USO1: variants seen among roughly 807,000 people sequenced by gnomAD.
The protein encoded by USO1 is USO1 vesicle transport factor.
USO1 carries 57 observed loss-of-function variants against 124.5 expected under a neutral mutation model. The ratio of observed to expected loss-of-function variants is 0.46; its 90% CI spans 0.37 to 0.57. USO1 has a LOEUF of 0.57. Ranked by LOEUF, USO1 falls within the 20% of genes least tolerant of loss-of-function variation. The pLI, the probability that USO1 is intolerant of heterozygous loss-of-function variation, is 0.00. For synonymous variants in USO1, 369 were observed against 362.8 expected (o/e 1.02, Z -0.19); for missense variants, 900 against 1,040.6 (o/e 0.86, Z 1.86).
chr4:75,756,732 C>T (rs899283345), intron 3 of USO1, among the ~76,000 whole-genome samples: 2 of 151,758 alleles, frequency 1.3e-5, no homozygotes, highest in Non-Finnish European at 2.9e-5. Flanking sequence ...AGGCTGGTCT[C>T]GAACTCCCAA....
At chr4:75,789,843 T>C (rs1241098262) in intron 10 of USO1, among the ~76,000 whole-genome samples, 1 of 152,046 alleles carries the variant, frequency 6.6e-6, no homozygotes, top group African/African-American at 2.4e-5. Context: ...TTAAAATGCC[T>C]GTCAAGTGTT....
At chr4:75,770,283 G>C (rs941050223) in intron 4 of USO1, 156 bp from the exon 5 acceptor site, 10 of 535,878 alleles carry the variant, frequency 1.9e-5, no homozygotes, top group Middle Eastern at 5.4e-4. Flanking sequence ...TAAGGATATA[G>C]CTTTACATAA....
chr4:75,741,601 CTTTTTTTTTTTTT>C (rs34702586), intron 1 of USO1, among the ~76,000 whole-genome samples: 1 of 78,856 alleles, frequency 1.3e-5, no homozygotes, highest in Non-Finnish European at 2.2e-5. Flanking sequence ...ACTTTTTAAA[CTTTTTTTTTTTTT>C]TTTTTTTTTT....
intron 1 of USO1, among the ~76,000 whole-genome samples, chr4:75,744,208 G>GC (rs889583570): frequency 2.0e-5 from 3 of 151,842 alleles, no homozygotes; most frequent in African/African-American, 4.8e-5. Context: ...ACTGTTCTTG[G>GC]CCCCCCCATA....
intron 1 of USO1, among the ~76,000 whole-genome samples, chr4:75,748,079 G>C (rs1015904886): frequency 2.0e-5 from 3 of 150,184 alleles, no homozygotes; most frequent in African/African-American, 7.4e-5. Context: ...AGCTAATTTT[G>C]TATTTTCAGT....
At chr4:75,798,239 T>G (rs1040940535) in intron 13 of USO1, among the ~76,000 whole-genome samples, 5 of 152,230 alleles carry the variant, frequency 3.3e-5, no homozygotes, top group Non-Finnish European at 5.9e-5. Flanking sequence ...TACTCTGTTT[T>G]TTTTTACTCA....
intron 1 of USO1, among the ~76,000 whole-genome samples, chr4:75,749,616 C>T (rs1436674150): frequency 2.0e-5 from 3 of 150,962 alleles, no homozygotes; most frequent in African/African-American, 7.3e-5. Context: ...CCAGGCTGGT[C>T]TCAAACTCCT....
chr4:75,786,951 A>G, intron 9 of USO1, 111 bp from the exon 10 acceptor site: 12 of 1,256,070 alleles, frequency 9.6e-6, no homozygotes, highest in Non-Finnish European at 1.2e-5. Context: ...AAATGTAGCT[A>G]AGCAGCTAAG....
In USO1 at chr4:75,774,795, A is replaced by G. The variant is rs1396187871; in HGVS notation, c.675A>G (p.Gly225=). The G allele has an allele frequency of 6.2e-7, 1 of 1,612,812 alleles. No homozygotes were observed. Among genetic ancestry groups the G allele is most frequent in the East Asian group, 2.2e-5 (1 of 44,826 alleles). Residue 225 remains glycine (G), a splice_region_variant and synonymous_variant, in exon 8 of 24, where the codon GGA becomes GGG. Coordinates refer to ENST00000514213, the MANE Select transcript of USO1 (RefSeq NM_003715.4). The part of the protein sequence containing the change: ...DIISEEGNSD[G]GIVVEDCLIL... The stretch of plus-strand genomic sequence containing the variant: ...TTTCAGAGGAGGGGAACAGTGATGG[A>G]GGTATAGTATGAAGAAATTATTTGA...
At chr4:75,805,776 C>CCTG (rs1722981901) in intron 19 of USO1, among the ~76,000 whole-genome samples, 1 of 151,508 alleles carries the variant, frequency 6.6e-6, no homozygotes, top group Non-Finnish European at 1.5e-5. Context: ...TTCAATGCTT[C>CCTG]CTGGCTCATT....
rs557129617 is a variant in USO1 at position 75,783,378 on chromosome 4, C to A, written c.855+520C>A. Reference sequence around the variant, plus strand: ...CAAAACATGTTAAATTGACAGACCACCTGTGATTTATTGATCCTTTATGGT... The same window carrying A: ...CAAAACATGTTAAATTGACAGACCAACTGTGATTTATTGATCCTTTATGGT... On this transcript the variant is annotated intron_variant, in intron 9 of 23. Coordinates refer to ENST00000514213, the MANE Select transcript of USO1 (RefSeq NM_003715.4). Among the ~76,000 whole-genome samples the A allele has an allele frequency of 5.3e-5, 8 of 152,222 alleles. No individual in the cohort carries two copies. In the East Asian group the frequency reaches 1.4e-3, roughly 26 times the overall value.
At position 75,724,684 on chromosome 4, in the gene USO1, G is replaced by T; in HGVS notation, c.-136G>T. On this transcript the variant is annotated 5_prime_UTR_variant, in exon 1 of 24. Transcript: ENST00000514213. ...CCGGGCTTAGAGGGCTGGAGTGGCC[G>T]CCGAGTTGGAGGCGGTGGTGGCAGC... is the stretch of plus-strand genomic sequence containing the variant. 1 of 847,610 alleles carries T rather than the reference G, an allele frequency of 1.2e-6. No individual in the cohort carries two copies. Among genetic ancestry groups the T allele is most frequent in the Non-Finnish European group, 1.8e-6 (1 of 550,724 alleles). The allele number at this position is 847,610 out of a possible 1,614,324, so 52.5% of individuals were successfully genotyped here.
chr4:75,812,331 A>G lies in USO1; in HGVS notation c.2755A>G (p.Lys919Glu). The G allele has an allele frequency of 6.2e-7, 1 of 1,603,028 alleles. No homozygotes were observed. The highest frequency in any genetic ancestry group is 8.5e-7 in the Non-Finnish European group (1 of 1,174,456). Reference protein sequence around the residue: ...LLVLLADQDQKILSLKNKLKD... With the variant: ...LLVLLADQDQEILSLKNKLKD... ...GGTGCTCTTGGCCGATCAAGATCAG[A>G]AAATACTGTCATTGAAGAATAAACT... is the stretch of plus-strand genomic sequence containing the variant. The change falls in exon 23 of 24, where the codon AAA becomes GAA. Residue 919 changes from lysine (K) to glutamate (E), a missense_variant. By Grantham distance (56) the Lys-to-Glu change is moderately conservative (BLOSUM62 1). Coordinates refer to ENST00000514213, the MANE Select transcript of USO1 (RefSeq NM_003715.4).
At chr4:75,806,646 C>A in intron 20 of USO1, 74 bp downstream of exon 20, 3 of 1,496,762 alleles carry the variant, frequency 2.0e-6, no homozygotes, top group Non-Finnish European at 2.7e-6. Context: ...TATAGTTTCA[C>A]AAATCTAGAA....
intron 1 of USO1, among the ~76,000 whole-genome samples, chr4:75,737,365 G>A (rs1437959008): frequency 6.6e-6 from 1 of 152,196 alleles, no homozygotes; most frequent in Non-Finnish European, 1.5e-5. Context: ...ACATTAGCAT[G>A]TAAACCTCTT....
Position 75,787,060 on chromosome 4 carries a change from A to G in USO1, c.856-2A>G. 6.4e-7 allele frequency: 1 copy of G among 1,573,652 alleles called. No homozygotes were observed. The highest frequency in any genetic ancestry group is 8.6e-7 in the Non-Finnish European group (1 of 1,166,672). On this transcript the variant is annotated splice_acceptor_variant, in intron 9 of 23. Coordinates refer to ENST00000514213, the MANE Select transcript of USO1 (RefSeq NM_003715.4). LOFTEE classifies it high-confidence loss of function. The stretch of plus-strand genomic sequence containing the variant: ...AAATTTTGTTTTCTCTTTCTTTCAC[A>G]GCTTGTTCGTGTATTGGTATCTCCC...
Position 75,724,817 on chromosome 4 carries a change from A to C in USO1, c.-3A>C. On this transcript the variant is annotated 5_prime_UTR_variant, in exon 1 of 24. Transcript: ENST00000514213. ...CCGGTAAACCTGGTGGCTGAACGGC[A>C]AGATGAATTTCCTCCGCGGGGTAAT... is the stretch of plus-strand genomic sequence containing the variant. 1 of 1,613,862 alleles carries C rather than the reference A, an allele frequency of 6.2e-7. No homozygotes were observed. The highest frequency in any genetic ancestry group is 2.2e-5 in the East Asian group (1 of 44,878).
intron 7 of USO1, among the ~76,000 whole-genome samples, chr4:75,772,413 A>G (rs1721957808): frequency 6.6e-6 from 1 of 151,662 alleles, no homozygotes; most frequent in African/African-American, 2.4e-5. Flanking sequence ...ATTTTTTTGT[A>G]TTTTTAGTAG....
chr4:75,776,088 CTA>C (rs1208609369), intron 8 of USO1, among the ~76,000 whole-genome samples: 1 of 152,106 alleles, frequency 6.6e-6, no homozygotes, highest in Admixed American at 6.6e-5. Flanking sequence ...AGGATAGTGA[CTA>C]TGAATTTGTT....
Sources: gnomAD v4.1 joint callset for allele counts (sites outside exome capture counted in the v4.1 genomes callset) on GRCh38, gnomAD v4.1.1 for gene constraint, MANE v1.5 for transcripts, NCBI Gene and HGNC (gene_info 2026-07-23, HGNC 2026-07-21) for gene names.